AHDC1: variants seen among roughly 807,000 people sequenced by gnomAD.
The protein encoded by AHDC1 is AT-hook DNA binding motif containing 1, also known as transcription factor Gibbin.
AHDC1 carries 7 observed loss-of-function variants against 87.9 expected under a neutral mutation model. The observed-to-expected ratio is 0.08, with a 90% CI of 0.05 to 0.15. The LOEUF is 0.15. Among genes scored for constraint, AHDC1 ranks in the 10% least tolerant of loss-of-function variants. The pLI is 1.00. For synonymous variants in AHDC1, 1,051 were observed against 1,006.8 expected, an observed-to-expected ratio of 1.04 and a Z score of -0.83; for missense variants, 1,841 against 2,253.2, an observed-to-expected ratio of 0.82 and a Z score of 3.70.
chr1:27,597,886 TAA>T (rs1557712232), intron 3 of AHDC1, among the ~76,000 whole-genome samples: 4 of 152,130 alleles, frequency 2.6e-5, no homozygotes, highest in Non-Finnish European at 5.9e-5. Context: ...TTCTTTTCTC[TAA>T]GTCTCTGTCT....
intron 3 of AHDC1, among the ~76,000 whole-genome samples, chr1:27,586,482 G>C (rs2089061684): frequency 6.6e-6 from 1 of 152,146 alleles, no homozygotes; most frequent in Non-Finnish European, 1.5e-5. Context: ...TATGATAGGC[G>C]ATTACCCGTC....
intron 3 of AHDC1, among the ~76,000 whole-genome samples, chr1:27,559,501 C>T (rs2019971853): frequency 6.6e-6 from 1 of 152,200 alleles, no homozygotes; most frequent in Admixed American, 6.5e-5. Context: ...ACCTTCATAA[C>T]TGTGTGACTC....
Position 27,561,853 on chromosome 1 carries a change from G to C in AHDC1, c.-628-2970C>G, listed in dbSNP as rs2020100640. Among the ~76,000 whole-genome samples the C allele has an allele frequency of 6.6e-6, 1 of 152,090 alleles. No homozygotes were observed. The highest frequency in any genetic ancestry group is 1.5e-5 in the Non-Finnish European group (1 of 68,010). On this transcript the variant is annotated intron_variant, in intron 3 of 8. Transcript: ENST00000673934. This position sits in a 1 kb window ranked among gnomAD's most constrained non-coding sequence, Gnocchi z 4.2. ...GGGCACGCACAAACACAAAAGCAGA[G>C]ACGGACTGGTGATGAGGGGCTCATG... is the stretch of plus-strand genomic sequence containing the variant.
At chr1:27,538,171 G>A (rs765618136) in intron 8 of AHDC1, among the ~76,000 whole-genome samples, 2 of 152,034 alleles carry the variant, frequency 1.3e-5, no homozygotes, top group Non-Finnish European at 2.9e-5. Context: ...GGAGGCCGAG[G>A]TGGGTGGATC....
Position 27,534,261 on chromosome 1 carries a change from G to GTTTTTTTTTT in AHDC1, c.*689_*698dup, listed in dbSNP as rs1195913812. The GTTTTTTTTTT allele has an allele frequency of 1.1e-5, 1 of 89,648 alleles. No individual in the cohort carries two copies. Among genetic ancestry groups the GTTTTTTTTTT allele is most frequent in the African/African-American group, 4.0e-5 (1 of 25,016 alleles). The allele number at this position is 89,648 out of a possible 1,614,324, so 5.6% of individuals were successfully genotyped here. A position where few individuals can be genotyped will look rare whatever the true frequency, so the allele number is the denominator to read the frequency against. ...GACACAAGGTTGGTTTTTTTTTTTT[G>GTTTTTTTTTT]TTTTTTTTTTGTTTTTTTTTTGCTT... On this transcript the variant is annotated 3_prime_UTR_variant, in exon 9 of 9. Coordinates refer to ENST00000673934, the MANE Select transcript of AHDC1 (RefSeq NM_001371928.1).
Position 27,551,501 on chromosome 1 carries a change from C to G in AHDC1, c.615G>C (p.Arg205Ser). Residue 205 changes from arginine to serine, a missense_variant, in exon 8 of 9, where the codon AGG becomes AGC. Coordinates refer to ENST00000673934, the MANE Select transcript of AHDC1 (RefSeq NM_001371928.1). ...GGCCTTGGCCAGGCTGGGGACTGTC[C>G]CTAGGCTCAGGCTCAGGCTCGTAGA... ...HPLYEPEPEP[R>S]DSPQPGQGHS... The G allele has an allele frequency of 6.2e-7, 1 of 1,605,832 alleles. No individual in the cohort carries two copies. The highest frequency in any genetic ancestry group is 8.5e-7 in the Non-Finnish European group (1 of 1,176,142).
At chr1:27,585,616 C>A (rs964827623) in intron 3 of AHDC1, among the ~76,000 whole-genome samples, 1 of 152,180 alleles carries the variant, frequency 6.6e-6, no homozygotes, top group Non-Finnish European at 1.5e-5. Flanking sequence ...TGAAGACACA[C>A]AAGGAAACGG....
intron 8 of AHDC1, among the ~76,000 whole-genome samples, chr1:27,546,033 C>T (rs182120150): frequency 3.1e-4 from 47 of 152,340 alleles, no homozygotes; most frequent in African/African-American, 1.1e-3. Flanking sequence ...GACCCTGAGT[C>T]ACCCTGGCCT....
At position 27,562,768 on chromosome 1, in the gene AHDC1, G is replaced by A. The variant is rs1279349025; in HGVS notation, c.-628-3885C>T. Among the ~76,000 whole-genome samples the A allele has an allele frequency of 6.6e-6, 1 of 152,158 alleles. No homozygotes were observed. Among genetic ancestry groups the A allele is most frequent in the East Asian group, 1.9e-4 (1 of 5,200 alleles). On this transcript the variant is annotated intron_variant, in intron 3 of 8. Transcript: ENST00000673934. This position sits in a 1 kb window ranked among gnomAD's most constrained non-coding sequence, Gnocchi z 4.4. ...CCAGCCCCGTATCACCAGAAAACAT[G>A]TCGTCTCTTTAGAGTGAGACACGAG...
chr1:27,578,899 T>A (rs2088832219), intron 3 of AHDC1, among the ~76,000 whole-genome samples: 1 of 152,100 alleles, frequency 6.6e-6, no homozygotes, highest in Non-Finnish European at 1.5e-5. Flanking sequence ...GGTTTTACTA[T>A]GTTGGCCAGG....
chr1:27,593,696 G>C lies in AHDC1; in HGVS notation c.-629+9701C>G, dbSNP rs1253133066. 1.3e-5 allele frequency among the ~76,000 whole-genome samples: 2 copies of C among 152,232 alleles called. No individual in the cohort carries two copies. The highest frequency in any genetic ancestry group is 2.9e-5 in the Non-Finnish European group (2 of 68,028). On this transcript the variant is annotated intron_variant, in intron 3 of 8. Coordinates refer to ENST00000673934, the MANE Select transcript of AHDC1 (RefSeq NM_001371928.1). This position sits in a 1 kb window ranked among gnomAD's most constrained non-coding sequence, Gnocchi z 4.9. ...AACCTGGCTGCCCCACCTCTGCTCT[G>C]AACCCCTCCCTATCTCACCAATCCC...
chr1:27,585,271 A>C (rs2148452061), intron 3 of AHDC1, among the ~76,000 whole-genome samples: 1 of 151,598 alleles, frequency 6.6e-6, no homozygotes, highest in East Asian at 1.9e-4. Flanking sequence ...AAAAAAAAAA[A>C]AAAAGAAGGA....
At chr1:27,586,574 T>A (rs765192539) in intron 3 of AHDC1, among the ~76,000 whole-genome samples, 3 of 152,156 alleles carry the variant, frequency 2.0e-5, no homozygotes, top group Non-Finnish European at 4.4e-5. Flanking sequence ...TAGCCCTACC[T>A]CACAGGTGAG....
chr1:27,592,580 C>T (rs376817078), intron 3 of AHDC1, among the ~76,000 whole-genome samples: 5 of 152,126 alleles, frequency 3.3e-5, no homozygotes, highest in East Asian at 1.9e-4. Context: ...GCCCTCCCCC[C>T]CCCAGGCCCT....
chr1:27,588,839 C>A (rs773866766), intron 3 of AHDC1, among the ~76,000 whole-genome samples: 2 of 151,956 alleles, frequency 1.3e-5, no homozygotes, highest in African/African-American at 2.4e-5. Flanking sequence ...GTGAGGAAGG[C>A]TGTGTGTGCA....
At chr1:27,571,281 G>C (rs897786581) in intron 3 of AHDC1, among the ~76,000 whole-genome samples, 8 of 152,150 alleles carry the variant, frequency 5.3e-5, no homozygotes, top group Non-Finnish European at 8.8e-5. Flanking sequence ...GGTGGAGAAG[G>C]AAAGGAGGCA....
At chr1:27,586,750 T>G (rs934403237) in intron 3 of AHDC1, among the ~76,000 whole-genome samples, 1 of 152,152 alleles carries the variant, frequency 6.6e-6, no homozygotes, top group African/African-American at 2.4e-5. Context: ...ATTGGCCTCC[T>G]GGCTCCTTAT....
At chr1:27,599,363 C>T (rs1256321787) in intron 3 of AHDC1, among the ~76,000 whole-genome samples, 2 of 152,122 alleles carry the variant, frequency 1.3e-5, no homozygotes, top group East Asian at 1.9e-4. Flanking sequence ...TCCTCTCTCG[C>T]CTCCCTCCCT....
chr1:27,550,329 G>A lies in AHDC1; in HGVS notation c.1787C>T (p.Ser596Phe), dbSNP rs772889908. The change falls in exon 8 of 9, where the codon TCT (serine) becomes TTT (phenylalanine). Residue 596 changes from serine (S) to phenylalanine (F), a missense_variant. Physicochemically the swap from Ser to Phe is radical, Grantham distance 155. This residue lies in a region of AHDC1 where 84 missense variants were observed against 111.7 expected (regional missense o/e 0.75). Coordinates refer to ENST00000673934, the MANE Select transcript of AHDC1 (RefSeq NM_001371928.1). ...KRRRRKQKLA[S>F]PQPSYAADAN... ...GTCTGCTGCATAGGATGGCTGGGGA[G>A]ATGCCAGCTTCTGCTTCCGCCGCCG... 30 of 1,613,990 alleles carry A rather than the reference G, an allele frequency of 1.9e-5. No individual in the cohort carries two copies. Among genetic ancestry groups the A allele is most frequent in the South Asian group, 4.4e-5 (4 of 91,094 alleles).
Sources: allele counts gnomAD v4.1 joint callset (sites outside exome capture counted in the v4.1 genomes callset), GRCh38; gene constraint gnomAD v4.1.1; regional missense constraint gnomAD v4.1.1; non-coding constraint Gnocchi (gnomAD v3.1); transcripts MANE v1.5; gene names NCBI Gene and HGNC (gene_info 2026-07-23, HGNC 2026-07-21).